Variants in SKIC8 observed in about 807,000 individuals in gnomAD.
The protein encoded by SKIC8 is superkiller complex protein 8.
chr15:78,283,658 G>T, the SKIC8 span: 1 of 616,856 alleles, frequency 1.6e-6, no homozygotes, highest in Non-Finnish European at 2.7e-6. Flanking sequence ...CTAAATCAGT[G>T]AGAATGGAGG....
At chr15:78,294,609 C>T in the SKIC8 span, 2 of 286,116 alleles carry the variant, frequency 7.0e-6, no homozygotes, top group African/African-American at 2.2e-5. Flanking sequence ...CCAGATGAGC[C>T]GGCATTAACA....
the SKIC8 span, among the ~76,000 whole-genome samples, chr15:78,289,429 C>A: frequency 1.3e-5 from 2 of 148,166 alleles, no homozygotes; most frequent in South Asian, 2.1e-4. Flanking sequence ...AACAAACAAA[C>A]AAAAAAACAA....
the SKIC8 span, chr15:78,291,800 T>C: frequency 6.6e-6 from 1 of 152,284 alleles, no homozygotes; most frequent in African/African-American, 2.4e-5. Flanking sequence ...TCTTCTATCA[T>C]CAACCCAAAA....
At chr15:78,286,154 A>G in the SKIC8 span, 1 of 1,605,982 alleles carries the variant, frequency 6.2e-7, no homozygotes, top group East Asian at 2.2e-5. Context: ...AAAGTTTCAA[A>G]CAAAATTGAG....
At chr15:78,283,287 A>C in the SKIC8 span, 1 of 601,156 alleles carries the variant, frequency 1.7e-6, no homozygotes, top group Non-Finnish European at 2.8e-6. Flanking sequence ...CCAATAAAAC[A>C]TGAAAAGATT....
chr15:78,297,518 A>G, the SKIC8 span, among the ~76,000 whole-genome samples: 1 of 152,238 alleles, frequency 6.6e-6, no homozygotes, highest in Admixed American at 6.5e-5. Context: ...CACATTATAT[A>G]TGTGATCTAG....
At chr15:78,287,157 GTGC>G in the SKIC8 span, among the ~76,000 whole-genome samples, 1 of 152,306 alleles carries the variant, frequency 6.6e-6, no homozygotes, top group Admixed American at 6.5e-5. Context: ...ACACTAATCT[GTGC>G]TGCTACCTCA....
the SKIC8 span, chr15:78,285,185 G>C: frequency 6.9e-7 from 1 of 1,441,784 alleles, no homozygotes; most frequent in South Asian, 1.2e-5. Context: ...AAGCAACAAG[G>C]TCAGGAAAAG....
At chr15:78,285,578 A>T in the SKIC8 span, 1 of 559,934 alleles carries the variant, frequency 1.8e-6, no homozygotes, top group Non-Finnish European at 3.2e-6. Context: ...AGACACAGCT[A>T]CCTATTTCCA....
chr15:78,292,479 TGAAA>T, the SKIC8 span: 4 of 922,124 alleles, frequency 4.3e-6, no homozygotes, highest in Non-Finnish European at 6.7e-6. Flanking sequence ...GGGTATTATG[TGAAA>T]TACAGTTCAT....
chr15:78,294,834 CAA>C, the SKIC8 span: 2 of 1,240,616 alleles, frequency 1.6e-6, no homozygotes, highest in Non-Finnish European at 2.3e-6. Context: ...AATTCTTCTG[CAA>C]AGTGAGTATA....
chr15:78,299,019 C>G, the SKIC8 span, among the ~76,000 whole-genome samples: 3 of 152,174 alleles, frequency 2.0e-5, no homozygotes, highest in Non-Finnish European at 2.9e-5. Flanking sequence ...CTTTGGGAAA[C>G]TTTTCCCTAA....
At chr15:78,288,809 A>G in the SKIC8 span, 1 of 371,678 alleles carries the variant, frequency 2.7e-6, no homozygotes, top group South Asian at 2.0e-5. Flanking sequence ...AAACAGCACA[A>G]CAGTACGCAT....
At chr15:78,296,596 A>C in the SKIC8 span, among the ~76,000 whole-genome samples, 1 of 151,782 alleles carries the variant, frequency 6.6e-6, no homozygotes, top group Non-Finnish European at 1.5e-5. Flanking sequence ...TGCAGCTTCA[A>C]CCTCCCAGGC....
the SKIC8 span, chr15:78,283,771 C>A: frequency 4.5e-5 from 16 of 353,022 alleles, no homozygotes; most frequent in African/African-American, 3.1e-4. Flanking sequence ...CAGTACTAAT[C>A]AAGACTATCT....
the SKIC8 span, chr15:78,285,084 C>T: frequency 3.3e-6 from 2 of 606,300 alleles, no homozygotes; most frequent in Non-Finnish European, 2.9e-6. Flanking sequence ...CCAGCCTCTG[C>T]ACCCCAGACT....
At chr15:78,292,290 C>A in the SKIC8 span, 1 of 277,072 alleles carries the variant, frequency 3.6e-6, no homozygotes, top group South Asian at 4.0e-5. Flanking sequence ...ATCCAAAAAG[C>A]TCTGGAAACT....
chr15:78,294,805 GTATT>G, the SKIC8 span: 1 of 768,400 alleles, frequency 1.3e-6, no homozygotes, highest in South Asian at 1.9e-5. Context: ...TTTTTTAAGA[GTATT>G]TGTTTTCAGC....
At chr15:78,284,491 A>G in the SKIC8 span, 14 of 152,186 alleles carry the variant, frequency 9.2e-5, no homozygotes, top group African/African-American at 3.4e-4. Flanking sequence ...TGCCATGGAC[A>G]TTTTATTTTT....
Sources: allele counts gnomAD v4.1 joint callset (sites outside exome capture counted in the v4.1 genomes callset), GRCh38; gene constraint gnomAD v4.1.1; transcripts MANE v1.5; gene names NCBI Gene and HGNC (gene_info 2026-07-23, HGNC 2026-07-21).